Variants in NRXN1 observed in about 807,000 individuals in gnomAD.
The protein encoded by NRXN1 is neurexin-1.
A neutral mutation model predicts 150.9 loss-of-function variants in NRXN1; 39 were observed. The ratio of observed to expected loss-of-function variants is 0.26; its 90% CI spans 0.20 to 0.34. NRXN1 has a LOEUF of 0.34. Among genes scored for constraint, NRXN1 ranks in the 10% least tolerant of loss-of-function variants. The pLI is 1.00. For synonymous variants in NRXN1, 924 were observed against 757.0 expected (o/e 1.22, Z -3.62); for missense variants, 1,815 against 1,949.9 (o/e 0.93, Z 1.30).
intron 5 of NRXN1, among the ~76,000 whole-genome samples, chr2:50,645,531 G>A (rs1290701309): frequency 2.0e-5 from 3 of 151,856 alleles, no homozygotes; most frequent in Non-Finnish European, 4.4e-5. Context: ...TGAAGGCAGG[G>A]ACTTTTGTTG....
intron 18 of NRXN1, among the ~76,000 whole-genome samples, chr2:50,186,501 A>G (rs1345383540): frequency 6.6e-6 from 1 of 152,116 alleles, no homozygotes; most frequent in African/African-American, 2.4e-5. Flanking sequence ...CAAGGAAAAG[A>G]GGAAACTTGT....
intron 18 of NRXN1, among the ~76,000 whole-genome samples, chr2:50,191,741 T>C (rs1201645421): frequency 6.6e-6 from 1 of 152,188 alleles, no homozygotes; most frequent in South Asian, 2.1e-4. Flanking sequence ...TCCATCTAAG[T>C]TGTTGTGTGT....
At chr2:50,710,652 T>C (rs1695029323) in intron 5 of NRXN1, among the ~76,000 whole-genome samples, 1 of 152,154 alleles carries the variant, frequency 6.6e-6, no homozygotes, top group Non-Finnish European at 1.5e-5. Context: ...CATTAAAAAG[T>C]GTCAAAAATA....
At chr2:50,311,276 C>G (rs982701302) in intron 17 of NRXN1, among the ~76,000 whole-genome samples, 2 of 152,086 alleles carry the variant, frequency 1.3e-5, no homozygotes, top group African/African-American at 4.8e-5. Context: ...CAAAATATCA[C>G]AGAAAAGCAT....
chr2:50,721,935 T>A (rs1450281348), intron 5 of NRXN1, among the ~76,000 whole-genome samples: 2 of 152,164 alleles, frequency 1.3e-5, no homozygotes, highest in Non-Finnish European at 2.9e-5. Context: ...CCAGAATTAT[T>A]TAACAGAGTT....
At chr2:50,320,923 C>A (rs546610980) in intron 17 of NRXN1, among the ~76,000 whole-genome samples, 2 of 152,278 alleles carry the variant, frequency 1.3e-5, no homozygotes, top group East Asian at 1.9e-4. Context: ...GCAGCACACA[C>A]CTTCTGTCAT....
intron 5 of NRXN1, among the ~76,000 whole-genome samples, chr2:50,669,634 A>AT (rs1688554737): frequency 6.6e-6 from 1 of 151,708 alleles, no homozygotes; most frequent in African/African-American, 2.4e-5. Flanking sequence ...TCTAATAATG[A>AT]TTTTTAAAAG....
intron 5 of NRXN1, among the ~76,000 whole-genome samples, chr2:50,781,926 G>A (rs1410182589): frequency 1.3e-5 from 2 of 152,114 alleles, no homozygotes; most frequent in Admixed American, 6.6e-5. Context: ...CTAGTAAAAG[G>A]TGCTTTTGTC....
At chr2:50,455,524 G>C (rs2087467443) in intron 17 of NRXN1, among the ~76,000 whole-genome samples, 1 of 152,222 alleles carries the variant, frequency 6.6e-6, no homozygotes, top group South Asian at 2.1e-4. Context: ...CAGAATTACT[G>C]TCACTGTCAA....
chr2:50,381,573 A>ACACACAC (rs2080974222), intron 17 of NRXN1, among the ~76,000 whole-genome samples: 2 of 126,210 alleles, frequency 1.6e-5, no homozygotes, highest in Admixed American at 8.1e-5. Flanking sequence ...ACACACACAC[A>ACACACAC]ATCTGCTTTT....
chr2:50,655,390 T>G (rs1011596345), intron 5 of NRXN1, among the ~76,000 whole-genome samples: 2 of 152,042 alleles, frequency 1.3e-5, no homozygotes, highest in African/African-American at 4.8e-5. Flanking sequence ...AGATTTGTTC[T>G]AGCTTACAGC....
intron 15 of NRXN1, among the ~76,000 whole-genome samples, chr2:50,481,598 G>C (rs2090460415): frequency 6.6e-6 from 1 of 152,014 alleles, no homozygotes; most frequent in African/African-American, 2.4e-5. Context: ...GCCCAATCTA[G>C]TACAAACCAG....
intron 21 of NRXN1, among the ~76,000 whole-genome samples, chr2:50,048,048 C>A (rs1001919127): frequency 1.1e-4 from 16 of 151,846 alleles, no homozygotes; most frequent in African/African-American, 2.7e-4. Context: ...CCACGCAGAA[C>A]TTAAAAAAAA....
chr2:50,874,132 G>C (rs544100493), intron 5 of NRXN1, among the ~76,000 whole-genome samples: 1 of 151,932 alleles, frequency 6.6e-6, no homozygotes, highest in South Asian at 2.1e-4. Context: ...AACAAAGTCT[G>C]TTTCCTATTG....
Position 49,921,715 on chromosome 2 carries a change from TG to T in NRXN1, c.*228del, listed in dbSNP as rs1301681769. 6 of 537,904 alleles carry T rather than the reference TG, an allele frequency of 1.1e-5. No individual in the cohort carries two copies. In the Admixed American group the frequency reaches 2.1e-4, roughly 19 times the overall value. The allele number at this position is 537,904 out of a possible 1,614,324, so 33.3% of individuals were successfully genotyped here. A position where few individuals can be genotyped will look rare whatever the true frequency, so the allele number is the denominator to read the frequency against. ...ACAAGCAGAGTAAATGAAAACACTG[TG>T]GATGTTAGGGAATTTATTGGCCCCT... On this transcript the variant is annotated 3_prime_UTR_variant, in exon 23 of 23. Coordinates refer to ENST00000401669, the MANE Select transcript of NRXN1 (RefSeq NM_001330078.2).
At chr2:50,868,144 TATATATATA>T (rs1677213267) in intron 5 of NRXN1, among the ~76,000 whole-genome samples, 8 of 4,180 alleles carry the variant, frequency 1.9e-3, no homozygotes. Flanking sequence ...CAAAATATTA[TATATATATA>T]TATATATATA....
intron 18 of NRXN1, among the ~76,000 whole-genome samples, chr2:50,126,389 A>C (rs1704591023): frequency 6.6e-6 from 1 of 152,110 alleles, no homozygotes; most frequent in African/African-American, 2.4e-5. Flanking sequence ...AGCAGATAAA[A>C]AATAATCATA....
chr2:50,540,968 A>G lies in NRXN1; in HGVS notation c.1760-2332T>C, dbSNP rs547155599. ...TGAGCCACCACACCCAGCCAAAGTGACATGTTCTTAAATAAAAGAGAGAAG... is the reference window on the plus strand; with the variant it reads ...TGAGCCACCACACCCAGCCAAAGTGGCATGTTCTTAAATAAAAGAGAGAAG... On this transcript the variant is annotated intron_variant, in intron 9 of 22. Transcript: ENST00000401669. Among the ~76,000 whole-genome samples the G allele has an allele frequency of 5.9e-5, 9 of 152,132 alleles. No individual in the cohort carries two copies. The South Asian group carries it at 1.9e-3, about 32-fold the overall frequency.
At chr2:50,418,550 C>T (rs535511188) in intron 17 of NRXN1, among the ~76,000 whole-genome samples, 1 of 152,162 alleles carries the variant, frequency 6.6e-6, no homozygotes, top group African/African-American at 2.4e-5. Context: ...TCAGAAAGCC[C>T]AGTACATTTT....
Sources: allele counts gnomAD v4.1 joint callset (sites outside exome capture counted in the v4.1 genomes callset), GRCh38; gene constraint gnomAD v4.1.1; transcripts MANE v1.5; gene names NCBI Gene and HGNC (gene_info 2026-07-23, HGNC 2026-07-21).